The following IFTAP variants were observed in gnomAD, a reference collection of about 807,000 sequenced individuals.
IFTAP encodes intraflagellar transport-associated protein.
Under a neutral mutation model 19.4 loss-of-function variants are expected in IFTAP, and 19 were observed. The ratio of observed to expected loss-of-function variants is 0.98; its 90% CI spans 0.68 to 1.44. The LOEUF is 1.44. IFTAP is among the 40% of genes most tolerant of loss of function. The pLI, the probability that IFTAP is intolerant of heterozygous loss-of-function variation, is 0.00. For missense variants in IFTAP, 240 were observed against 253.6 expected, an observed-to-expected ratio of 0.95 and a Z score of 0.36; for synonymous variants, 85 against 83.5, an observed-to-expected ratio of 1.02 and a Z score of -0.10.
intron 1 of IFTAP, among the ~76,000 whole-genome samples, chr11:36,599,282 C>T (rs895509549): frequency 1.3e-5 from 2 of 152,212 alleles, no homozygotes; most frequent in African/African-American, 4.8e-5. Context: ...GAGTGAGCCA[C>T]CTCGCCCAGC....
intron 2 of IFTAP, among the ~76,000 whole-genome samples, chr11:36,619,093 A>G (rs1852203718): frequency 5.3e-5 from 8 of 152,052 alleles, no homozygotes; most frequent in Admixed American, 4.6e-4. Flanking sequence ...TCAAAGTTAC[A>G]CAGTTCTCAT....
At chr11:36,610,391 C>T in intron 2 of IFTAP, 152 bp downstream of exon 2, 1 of 685,360 alleles carries the variant, frequency 1.5e-6, no homozygotes, top group Non-Finnish European at 2.4e-6. Flanking sequence ...GTGACTGATG[C>T]CCTAATGTTA....
chr11:36,636,232 G>C, intron 4 of IFTAP, 115 bp downstream of exon 4: 1 of 738,644 alleles, frequency 1.4e-6, no homozygotes, highest in South Asian at 1.7e-5. Flanking sequence ...CCTAAGACAG[G>C]AAGAACTAAA....
At chr11:36,609,781 C>CT (rs954519899) in intron 1 of IFTAP, among the ~76,000 whole-genome samples, 4 of 152,154 alleles carry the variant, frequency 2.6e-5, no homozygotes, top group Non-Finnish European at 4.4e-5. Flanking sequence ...CCTCGAAAGA[C>CT]TTTGAGTTTC....
intron 4 of IFTAP, among the ~76,000 whole-genome samples, chr11:36,642,718 A>AACGTAATCCAGCAT (rs1157665210): frequency 6.6e-6 from 1 of 152,128 alleles, no homozygotes; most frequent in Non-Finnish European, 1.5e-5. Context: ...CAAATCAATA[A>AACGTAATCCAGCAT]ACGTAATCCA....
chr11:36,597,270 A>G (rs1032446734), intron 1 of IFTAP, among the ~76,000 whole-genome samples: 12 of 152,212 alleles, frequency 7.9e-5, no homozygotes, highest in African/African-American at 1.2e-4. Flanking sequence ...CATAGTTTCA[A>G]TATGACTGTA....
At chr11:36,600,477 G>A (rs12285668) in intron 1 of IFTAP, among the ~76,000 whole-genome samples, 5,866 of 152,272 alleles carry the variant, frequency 0.039, 363 homozygotes, top group African/African-American at 0.13. Context: ...TAGGTTGTGA[G>A]TTCCTTATGA....
intron 4 of IFTAP, among the ~76,000 whole-genome samples, chr11:36,638,378 A>G (rs939125577): frequency 2.0e-5 from 3 of 152,178 alleles, no homozygotes; most frequent in Non-Finnish European, 2.9e-5. Flanking sequence ...TTTGTGTATA[A>G]AAGATTACTG....
Position 36,610,179 on chromosome 11 carries a change from A to G in IFTAP, c.76A>G (p.Asn26Asp). 6.2e-7 allele frequency: 1 copy of G among 1,610,604 alleles called. No homozygotes were observed. Among genetic ancestry groups the G allele is most frequent in the Non-Finnish European group, 8.5e-7 (1 of 1,176,992 alleles). ...CAAAGACGTCTTGGATAAATTCCTT[A>G]ATTGTCATGAGCAAACATATGATGA... ...LIKDVLDKFL[N>D]CHEQTYDEEF... Residue 26 changes from asparagine (N) to aspartate (D), a missense_variant, in exon 2 of 6, where the codon AAT becomes GAT. Transcript: ENST00000334307.
chr11:36,633,517 C>T, intron 3 of IFTAP, 79 bp downstream of exon 3: 8 of 1,158,954 alleles, frequency 6.9e-6, no homozygotes, highest in Non-Finnish European at 9.2e-6. Context: ...AGAGACCCTA[C>T]TAAACACTAG....
intron 2 of IFTAP, among the ~76,000 whole-genome samples, chr11:36,617,358 G>C (rs1852132386): frequency 6.7e-6 from 1 of 148,794 alleles, no homozygotes; most frequent in Non-Finnish European, 1.5e-5. Context: ...AGACTTTTGT[G>C]ATGGCAGACT....
rs894911654 is a variant in IFTAP at position 36,633,339 on chromosome 11, T to C, written c.192T>C (p.Phe64=). 6.1e-5 allele frequency: 98 copies of C among 1,603,498 alleles called. No individual in the cohort carries two copies. Among genetic ancestry groups the C allele is most frequent in the Non-Finnish European group, 8.3e-5 (97 of 1,175,480 alleles). Residue 64 remains phenylalanine (F), a synonymous_variant, in exon 3 of 6, where the codon TTT becomes TTC. Transcript: ENST00000334307. Reference sequence around the variant, plus strand: ...GAACTGATTCTTCAGAAAACATTTTTACCTCAGCAAAAGTTACTCATAAAA... The same window carrying C: ...GAACTGATTCTTCAGAAAACATTTTCACCTCAGCAAAAGTTACTCATAAAA... ...VFGTDSSENI[F]TSAKVTHKNE... is the part of the protein sequence containing the mutation.
chr11:36,651,252 CTGGTGTG>C (rs1853711822), intron 5 of IFTAP, among the ~76,000 whole-genome samples: 1 of 152,184 alleles, frequency 6.6e-6, no homozygotes, highest in South Asian at 2.1e-4. Flanking sequence ...ACCATTCTAA[CTGGTGTG>C]AGATGGTATC....
intron 2 of IFTAP, among the ~76,000 whole-genome samples, chr11:36,617,927 A>G (rs906765313): frequency 7.2e-5 from 11 of 152,054 alleles, no homozygotes; most frequent in Non-Finnish European, 1.5e-4. Context: ...TTAAAAAACA[A>G]GTCTAATATT....
intron 2 of IFTAP, among the ~76,000 whole-genome samples, chr11:36,625,247 A>G (rs1035272800): frequency 6.6e-6 from 1 of 152,164 alleles, no homozygotes; most frequent in South Asian, 2.1e-4. Flanking sequence ...AAAAATATAT[A>G]AAATGCACAT....
chr11:36,658,055 G>C (rs1194037142), intron 5 of IFTAP, among the ~76,000 whole-genome samples: 8 of 152,156 alleles, frequency 5.3e-5, no homozygotes, highest in Admixed American at 5.2e-4. Context: ...GATAGTTTCT[G>C]AGCTACATGC....
chr11:36,636,386 G>A (rs1852953685), intron 4 of IFTAP, among the ~76,000 whole-genome samples: 1 of 152,166 alleles, frequency 6.6e-6, no homozygotes, highest in African/African-American at 2.4e-5. Context: ...TTAGGTAATT[G>A]TCTCAAGTGG....
intron 5 of IFTAP, 132 bp downstream of exon 5, chr11:36,648,287 C>A: frequency 7.4e-6 from 8 of 1,085,190 alleles, no homozygotes; most frequent in Admixed American, 2.6e-5. Flanking sequence ...CTTAATTGGT[C>A]CCTCTCACAG....
intron 2 of IFTAP, among the ~76,000 whole-genome samples, chr11:36,613,432 T>C (rs1457047798): frequency 6.6e-6 from 1 of 152,100 alleles, no homozygotes; most frequent in Non-Finnish European, 1.5e-5. Flanking sequence ...AGTGTCTTGT[T>C]ATGGTCCAGA....
Sources: gnomAD v4.1 joint callset for allele counts (sites outside exome capture counted in the v4.1 genomes callset) on GRCh38, gnomAD v4.1.1 for gene constraint, MANE v1.5 for transcripts, NCBI Gene and HGNC (gene_info 2026-07-23, HGNC 2026-07-21) for gene names.